Variants in NLGN1 observed in about 807,000 individuals in gnomAD.
NLGN1 encodes the protein neuroligin 1.
A neutral mutation model predicts 65.5 loss-of-function variants in NLGN1; 12 were observed. The ratio of observed to expected loss-of-function variants is 0.18; its 90% CI spans 0.12 to 0.30. The LOEUF is 0.30. Ranked by LOEUF, NLGN1 falls within the 10% of genes least tolerant of loss-of-function variation. The pLI is 1.00. For missense variants in NLGN1, 750 were observed against 1,007.1 expected (o/e 0.74, Z 3.46); for synonymous variants, 350 against 359.5 (o/e 0.97, Z 0.30).
exon 7 of NLGN1, chr3:174,283,601 A>G (rs993441576): frequency 6.6e-6 from 1 of 151,492 alleles, no homozygotes; most frequent in African/African-American, 2.4e-5. Flanking sequence ...TGAGCAAGAT[A>G]TTAAACTGAC....
At chr3:173,411,687 T>G (rs985576711) in intron 1 of NLGN1, among the ~76,000 whole-genome samples, 4 of 152,130 alleles carry the variant, frequency 2.6e-5, no homozygotes, top group Non-Finnish European at 5.9e-5. Flanking sequence ...AAGCATCTAT[T>G]CCTACCCCGC....
intron 4 of NLGN1, among the ~76,000 whole-genome samples, chr3:173,877,085 A>G (rs1055934434): frequency 2.0e-5 from 3 of 152,182 alleles, no homozygotes; most frequent in East Asian, 3.9e-4. Flanking sequence ...TAACCGTACA[A>G]TGTTGAATCT....
At chr3:173,529,966 C>CTTTTTTTTTTTTTTTTTTT (rs930436367) in intron 2 of NLGN1, among the ~76,000 whole-genome samples, 1 of 146,210 alleles carries the variant, frequency 6.8e-6, no homozygotes, top group African/African-American at 2.6e-5. Flanking sequence ...CTTTCTTTTC[C>CTTTTTTTTTTTTTTTTTTT]TTTTTTTTTT....
intron 4 of NLGN1, among the ~76,000 whole-genome samples, chr3:173,825,028 C>G (rs1054048168): frequency 2.6e-5 from 4 of 151,852 alleles, no homozygotes; most frequent in Admixed American, 6.6e-5. Flanking sequence ...TAAAGTGGGC[C>G]CAAATAGCCA....
intron 2 of NLGN1, among the ~76,000 whole-genome samples, chr3:173,437,306 C>T (rs1237350434): frequency 2.0e-5 from 3 of 152,132 alleles, no homozygotes; most frequent in Admixed American, 2.0e-4. Flanking sequence ...TCTATTGTGG[C>T]CATAACTACT....
chr3:173,960,993 C>T (rs1472660003), intron 4 of NLGN1, among the ~76,000 whole-genome samples: 2 of 151,910 alleles, frequency 1.3e-5, no homozygotes, highest in Non-Finnish European at 2.9e-5. Flanking sequence ...AGTAACATAT[C>T]TTTATCTGTC....
At chr3:174,003,436 C>T (rs970818999) in intron 4 of NLGN1, among the ~76,000 whole-genome samples, 1 of 152,000 alleles carries the variant, frequency 6.6e-6, no homozygotes, top group Non-Finnish European at 1.5e-5. Flanking sequence ...CGCTAAAATA[C>T]GTAGGTGTAT....
intron 4 of NLGN1, among the ~76,000 whole-genome samples, chr3:174,022,996 T>A (rs1268752944): frequency 6.6e-6 from 1 of 150,810 alleles, no homozygotes; most frequent in Non-Finnish European, 1.5e-5. Flanking sequence ...ACAATTTTAC[T>A]TAAACAGAAA....
chr3:174,012,037 T>A (rs1357146912), intron 4 of NLGN1, among the ~76,000 whole-genome samples: 2 of 152,194 alleles, frequency 1.3e-5, no homozygotes, highest in Admixed American at 1.3e-4. Flanking sequence ...TTCAGTACTC[T>A]CAGAACTCCC....
intron 4 of NLGN1, among the ~76,000 whole-genome samples, chr3:173,875,935 A>G (rs189120481): frequency 1.3e-5 from 2 of 152,306 alleles, no homozygotes; most frequent in East Asian, 3.9e-4. Context: ...CAAAGAGTTT[A>G]GTGCTGGTCA....
chr3:174,157,428 T>C lies in NLGN1; in HGVS notation c.647-117887T>C, dbSNP rs9875469. ...TATTATAAGTCACTATTAAATATGA[T>C]TGATGAAAGGTTTTTAAAAAAATTC... On this transcript the variant is annotated intron_variant, in intron 4 of 6. Coordinates refer to ENST00000457714, the Ensembl canonical transcript of NLGN1. 5.9e-3 allele frequency among the ~76,000 whole-genome samples: 893 copies of C among 151,918 alleles called. 7 individuals are homozygous for C. The highest frequency in any genetic ancestry group is 0.02 in the African/African-American group (842 of 41,496).
intron 3 of NLGN1, among the ~76,000 whole-genome samples, chr3:173,742,190 A>G (rs1774753405): frequency 6.6e-6 from 1 of 152,086 alleles, no homozygotes; most frequent in South Asian, 2.1e-4. Context: ...TTTTCCCTTT[A>G]CAAGGCTGCA....
intron 1 of NLGN1, among the ~76,000 whole-genome samples, chr3:173,401,254 G>A (rs1717642144): frequency 6.9e-6 from 1 of 145,224 alleles, no homozygotes; most frequent in African/African-American, 2.6e-5. Flanking sequence ...GACTATCCAA[G>A]TATCTCCAGA....
chr3:173,881,447 CAG>C (rs1690728658), intron 4 of NLGN1, among the ~76,000 whole-genome samples: 1 of 97,288 alleles, frequency 1.0e-5, no homozygotes, highest in Non-Finnish European at 1.9e-5. Context: ...TTTTTTGAGA[CAG>C]AGTCTCGCTC....
At chr3:174,088,216 A>G (rs1457966355) in intron 4 of NLGN1, among the ~76,000 whole-genome samples, 2 of 148,464 alleles carry the variant, frequency 1.3e-5, no homozygotes, top group Non-Finnish European at 3.0e-5. Context: ...AGCAATTAAT[A>G]TCAGAGGCTA....
intron 4 of NLGN1, among the ~76,000 whole-genome samples, chr3:174,210,927 C>G (rs891821741): frequency 6.6e-6 from 1 of 152,068 alleles, no homozygotes; most frequent in African/African-American, 2.4e-5. Flanking sequence ...CTAGTGTGTC[C>G]GGAATTGGTG....
intron 4 of NLGN1, among the ~76,000 whole-genome samples, chr3:174,136,782 T>C (rs1040482608): frequency 2.6e-5 from 4 of 152,066 alleles, no homozygotes; most frequent in Non-Finnish European, 5.9e-5. Flanking sequence ...ATATGCCAGG[T>C]TTCCCAAAGT....
At chr3:174,236,804 A>G (rs1467618275) in intron 4 of NLGN1, among the ~76,000 whole-genome samples, 2 of 151,972 alleles carry the variant, frequency 1.3e-5, no homozygotes, top group Non-Finnish European at 2.9e-5. Flanking sequence ...TTGTTATTTT[A>G]TTATTTATCA....
intron 1 of NLGN1, among the ~76,000 whole-genome samples, chr3:173,410,011 G>A (rs1307789431): frequency 6.6e-6 from 1 of 152,072 alleles, no homozygotes; most frequent in Non-Finnish European, 1.5e-5. Flanking sequence ...CAAGATAAGG[G>A]GGAAAACAAC....
Sources: gnomAD v4.1 joint callset for allele counts (sites outside exome capture counted in the v4.1 genomes callset) on GRCh38, gnomAD v4.1.1 for gene constraint, MANE v1.5 for transcripts, NCBI Gene and HGNC (gene_info 2026-07-23, HGNC 2026-07-21) for gene names.